Variants in TCTN2 observed in about 807,000 individuals in gnomAD.
TCTN2 encodes the protein tectonic family member 2, also known as tectonic-2.
A neutral mutation model predicts 83.4 loss-of-function variants in TCTN2; 66 were observed. The observed-to-expected ratio is 0.79, with a 90% CI of 0.65 to 0.97. The LOEUF (loss-of-function observed/expected upper bound fraction) is 0.97, where lower values mean the gene tolerates loss of function less well. TCTN2 is among the 50% of genes least tolerant of loss of function. TCTN2 has a pLI of 0.00. For missense variants in TCTN2, 794 were observed against 858.1 expected (o/e 0.93, Z 0.93); for synonymous variants, 301 against 326.7 (o/e 0.92, Z 0.85).
At chr12:123,692,248 A>C (rs1956052252) in intron 8 of TCTN2, among the ~76,000 whole-genome samples, 1 of 151,798 alleles carries the variant, frequency 6.6e-6, no homozygotes, top group African/African-American at 2.4e-5. Context: ...AGGTTTCACC[A>C]TGTTGGCCAG....
intron 13 of TCTN2, among the ~76,000 whole-genome samples, chr12:123,698,820 A>G (rs935475568): frequency 2.0e-5 from 3 of 152,114 alleles, no homozygotes; most frequent in Non-Finnish European, 1.5e-5. Flanking sequence ...TAACATTGAG[A>G]AGTTAAGGAA....
At position 123,672,099 on chromosome 12, in the gene TCTN2, G is replaced by T. The variant is rs1955760505; in HGVS notation, c.234G>T (p.Thr78=). 6.2e-7 allele frequency: 1 copy of T among 1,614,158 alleles called. No homozygotes were observed. Among genetic ancestry groups the T allele is most frequent in the Non-Finnish European group, 8.5e-7 (1 of 1,180,016 alleles). The part of the protein sequence containing the change: ...IPTCGVLNNE[T]EDWSVTVIPG... Reference sequence around the variant, plus strand: ...CGTGTGGAGTGCTGAACAATGAGACGGAAGACTGGAGCGTGACTGTGATCC... The same window carrying T: ...CGTGTGGAGTGCTGAACAATGAGACTGAAGACTGGAGCGTGACTGTGATCC... Residue 78 remains threonine, a synonymous_variant, in exon 3 of 18, where the codon ACG becomes ACT. Coordinates refer to ENST00000303372, the MANE Select transcript of TCTN2 (RefSeq NM_024809.5).
At chr12:123,672,637 G>A (rs989643494) in intron 3 of TCTN2, among the ~76,000 whole-genome samples, 4 of 151,936 alleles carry the variant, frequency 2.6e-5, no homozygotes, top group East Asian at 1.9e-4. Flanking sequence ...GGAGGGGGGT[G>A]GGGTAGCTGA....
In TCTN2 at chr12:123,694,900, T is replaced by C. The variant is rs1475383341; in HGVS notation, c.1158T>C (p.Ile386=). 6.2e-7 allele frequency: 1 copy of C among 1,613,480 alleles called. No individual in the cohort carries two copies. Among genetic ancestry groups the C allele is most frequent in the Non-Finnish European group, 8.5e-7 (1 of 1,179,438 alleles). The change falls in exon 10 of 18, where the codon ATT becomes ATC. Residue 386 remains isoleucine, a synonymous_variant. Coordinates refer to ENST00000303372, the MANE Select transcript of TCTN2 (RefSeq NM_024809.5). ...TTGTGAATGTGGAAGAACATTATAT[T>C]TTCAAATGGAATAATAATACCATCA... ...PRIVNVEEHY[I]FKWNNNTISE...
chr12:123,694,724 A>AAGTGT, intron 9 of TCTN2, 118 bp from the exon 10 acceptor site: 1 of 1,056,588 alleles, frequency 9.5e-7, no homozygotes, highest in Non-Finnish European at 1.4e-6. Context: ...GGAGCTGGAG[A>AAGTGT]TAGGGAGGGC....
chr12:123,693,743 G>A (rs12821219), intron 9 of TCTN2, among the ~76,000 whole-genome samples: 1,774 of 151,640 alleles, frequency 0.012, 19 homozygotes, highest in Non-Finnish European at 0.018. Flanking sequence ...CGTGAGCCAC[G>A]GCGACTGGCT....
chr12:123,700,751 A>C (rs1479907163), intron 14 of TCTN2, among the ~76,000 whole-genome samples: 1 of 152,222 alleles, frequency 6.6e-6, no homozygotes, highest in Non-Finnish European at 1.5e-5. Context: ...GTTTAAGACC[A>C]GCCTGGGCAA....
chr12:123,673,951 T>TCGC lies in TCTN2; in HGVS notation c.463+142_463+144dup. ...GGTTAATGCTACAAATGAGCTGTGATCGCGCCACTGCGTTCCAGCCAGGGT... is the reference window on the plus strand; with the variant it reads ...GGTTAATGCTACAAATGAGCTGTGATCGCCGCGCCACTGCGTTCCAGCCAGGGT... On this transcript the variant is annotated intron_variant, in intron 4 of 17. Coordinates refer to ENST00000303372, the MANE Select transcript of TCTN2 (RefSeq NM_024809.5). The TCGC allele has an allele frequency of 2.5e-6, 2 of 800,264 alleles. 1 individual carries two copies. The highest frequency in any genetic ancestry group is 3.1e-5 in the South Asian group (2 of 64,312). 49.6% of individuals were successfully genotyped at this position (800,264 alleles called of 1,614,324 possible).
At chr12:123,700,284 G>GTC in intron 14 of TCTN2, 1 of 255,002 alleles carries the variant, frequency 3.9e-6, no homozygotes, top group Non-Finnish European at 7.6e-6. Context: ...CCCCAACCAT[G>GTC]TTGGGATTAC....
Position 123,697,087 on chromosome 12 carries a change from C to T in TCTN2, c.1394C>T (p.Ala465Val). 6.2e-7 allele frequency: 1 copy of T among 1,610,594 alleles called. No homozygotes were observed. Among genetic ancestry groups the T allele is most frequent in the Non-Finnish European group, 8.5e-7 (1 of 1,176,896 alleles). ...AGAGGATAATCTTTTTCTTTTATAG[C>T]TGGAAGGGGTCTGTGTACATCAGCA... ...NVTTLHLWQS[A>V]GRGLCTSATF... is the part of the protein sequence containing the mutation. Residue 465 changes from alanine to valine, a missense_variant and splice_region_variant, in exon 13 of 18, where the codon GCT becomes GTT. Transcript: ENST00000303372.
chr12:123,700,431 T>C (rs1956158864), intron 14 of TCTN2, among the ~76,000 whole-genome samples: 1 of 152,124 alleles, frequency 6.6e-6, no homozygotes, highest in South Asian at 2.1e-4. Flanking sequence ...TTTTTTTGTT[T>C]GTTTGGTTGG....
intron 5 of TCTN2, among the ~76,000 whole-genome samples, chr12:123,685,718 CTT>C (rs3071665): frequency 0.36 from 38,751 of 108,688 alleles, 6,934 homozygotes; most frequent in African/African-American, 0.42. Context: ...TGCGCCCGGT[CTT>C]TTTTTTTTTT....
chr12:123,706,688 A>T (rs759512645), intron 15 of TCTN2, 38 bp from the exon 16 acceptor site: 2 of 1,613,570 alleles, frequency 1.2e-6, no homozygotes, highest in African/African-American at 2.7e-5. Flanking sequence ...ATAGAACTGA[A>T]TGGTGGCTAT....
rs531586530 is a variant in TCTN2, at chr12:123,690,602, G to C, written c.961G>C (p.Val321Leu). The change falls in exon 8 of 18, where the codon GTT (valine) becomes CTT (leucine). Residue 321 changes from valine (V) to leucine (L), a missense_variant. Val to Leu is a conservative substitution (Grantham distance 32). Coordinates refer to ENST00000303372, the MANE Select transcript of TCTN2 (RefSeq NM_024809.5). The part of the protein sequence containing the change: ...AFLHNFDVKC[V>L]TNLELYQERD... ...TCTTCACAATTTTGATGTTAAATGC[G>C]TTACTAATTTGGAACTATACCAAGA... 6 of 1,614,120 alleles carry C rather than the reference G, an allele frequency of 3.7e-6. No individual in the cohort carries two copies. The highest frequency in any genetic ancestry group is 4.2e-6 in the Non-Finnish European group (5 of 1,180,018).
intron 12 of TCTN2, 49 bp from the exon 13 acceptor site, chr12:123,697,033 TCTTTA>T (rs1956117108): frequency 3.6e-6 from 5 of 1,391,844 alleles, no homozygotes; most frequent in South Asian, 3.5e-5. Context: ...CTGAAGTTAA[TCTTTA>T]CTTTTGTTTA....
At position 123,673,694 on chromosome 12, in the gene TCTN2, C is replaced by T. The variant is rs368334136; in HGVS notation, c.347C>T (p.Ser116Phe). 1.1e-5 allele frequency: 17 copies of T among 1,614,024 alleles called. No individual in the cohort carries two copies. The African/African-American group carries it at 2.1e-4, about 20-fold the overall frequency. The change falls in exon 4 of 18, where the codon TCC (serine) becomes TTC (phenylalanine). Residue 116 changes from serine (S) to phenylalanine (F), a missense_variant. Transcript: ENST00000303372. ...SSNETDSFSESPCILQTLLVS... is the reference protein window; with the variant it reads ...SSNETDSFSEFPCILQTLLVS... ...AATGAGACAGATTCCTTCTCAGAGT[C>T]CCCCTGTATCCTCCAGACCCTTCTG...
chr12:123,696,203 A>G (rs890278383), intron 11 of TCTN2: 2 of 578,822 alleles, frequency 3.5e-6, no homozygotes, highest in Non-Finnish European at 3.1e-6. Context: ...TCTGTTGTAC[A>G]TAGTAACAAG....
Position 123,671,543 on chromosome 12 carries a change from C to G in TCTN2, c.119C>G (p.Ala40Gly), listed in dbSNP as rs560007638. 20 of 1,614,106 alleles carry G rather than the reference C, an allele frequency of 1.2e-5. No homozygotes were observed. Among genetic ancestry groups the G allele is most frequent in the South Asian group, 8.8e-5 (8 of 91,086 alleles). The change falls in exon 2 of 18, where the codon GCG becomes GGG. Residue 40 changes from alanine to glycine, a missense_variant. By Grantham distance (60) the Ala-to-Gly change is moderately conservative (BLOSUM62 0). Transcript: ENST00000303372. ...CCTTTTATCCGAATGTCCGGCCCTGCGGTCAGCGCGTCCCTGGTCGGAGAC... is the reference window on the plus strand; with the variant it reads ...CCTTTTATCCGAATGTCCGGCCCTGGGGTCAGCGCGTCCCTGGTCGGAGAC... ...IPPFIRMSGPAVSASLVGDTE... is the reference protein window; with the variant it reads ...IPPFIRMSGPGVSASLVGDTE...
chr12:123,681,778 C>T (rs769593250), intron 5 of TCTN2, among the ~76,000 whole-genome samples: 10 of 152,028 alleles, frequency 6.6e-5, no homozygotes, highest in Non-Finnish European at 1.3e-4. Flanking sequence ...TGCTGGGTTG[C>T]GTTATTACTG....
Sources: gnomAD v4.1 joint callset for allele counts (sites outside exome capture counted in the v4.1 genomes callset) on GRCh38, gnomAD v4.1.1 for gene constraint, MANE v1.5 for transcripts, NCBI Gene and HGNC (gene_info 2026-07-23, HGNC 2026-07-21) for gene names.